The following ABCC2 variants were observed in gnomAD, a reference collection of about 807,000 sequenced individuals.
ABCC2 encodes ATP-binding cassette sub-family C member 2.
A neutral mutation model predicts 173.4 loss-of-function variants in ABCC2; 157 were observed. The ratio of observed to expected loss-of-function variants is 0.91; its 90% CI spans 0.80 to 1.03. ABCC2 has a LOEUF of 1.03. Among genes scored for constraint, ABCC2 ranks in the 50% least tolerant of loss-of-function variants. The pLI, the probability that ABCC2 is intolerant of heterozygous loss-of-function variation, is 0.00. For synonymous variants in ABCC2, 657 were observed against 693.5 expected, an observed-to-expected ratio of 0.95 and a Z score of 0.83; for missense variants, 1,822 against 1,852.3, an observed-to-expected ratio of 0.98 and a Z score of 0.30.
At chr10:99,844,785 C>A (rs979443261) in intron 28 of ABCC2, among the ~76,000 whole-genome samples, 3 of 152,126 alleles carry the variant, frequency 2.0e-5, no homozygotes, top group East Asian at 1.9e-4. Flanking sequence ...GGCGGCCAGG[C>A]CTGGTGAAGG....
intron 31 of ABCC2, 68 bp from the exon 32 acceptor site, chr10:99,851,434 A>G (rs2039086580): frequency 3.1e-6 from 5 of 1,593,146 alleles, no homozygotes; most frequent in Admixed American, 1.7e-5. Context: ...AGTCCTGGTT[A>G]TTCTTATAAA....
intron 2 of ABCC2, among the ~76,000 whole-genome samples, chr10:99,791,591 C>T (rs1292500413): frequency 6.6e-6 from 1 of 152,170 alleles, no homozygotes; most frequent in Non-Finnish European, 1.5e-5. Context: ...TTCAAGGTCT[C>T]TCAGGAGGTT....
intron 16 of ABCC2, among the ~76,000 whole-genome samples, chr10:99,814,309 G>GTATACATACATGTA (rs2038307052): frequency 4.6e-5 from 2 of 43,778 alleles, no homozygotes; most frequent in Admixed American, 2.3e-4. Flanking sequence ...ATACACACAT[G>GTATACATACATGTA]TATATACACA....
chr10:99,834,814 G>C (rs1299832607), intron 24 of ABCC2, among the ~76,000 whole-genome samples: 1 of 152,156 alleles, frequency 6.6e-6, no homozygotes, highest in Admixed American at 6.5e-5. Context: ...TTTACGTTTG[G>C]ATCCAAGACT....
chr10:99,806,419 G>C (rs897486017), intron 11 of ABCC2, among the ~76,000 whole-genome samples: 70 of 152,256 alleles, frequency 4.6e-4, no homozygotes, highest in African/African-American at 1.6e-3. Context: ...CACTGAGGCT[G>C]GGAGCCTACT....
chr10:99,810,713 G>C (rs2038195260), intron 14 of ABCC2, among the ~76,000 whole-genome samples: 1 of 152,146 alleles, frequency 6.6e-6, no homozygotes. Context: ...CTACCAGTAG[G>C]CTTGGGAGTT....
At chr10:99,812,948 A>G in intron 15 of ABCC2, 70 bp from the exon 16 acceptor site, 1 of 1,588,250 alleles carries the variant, frequency 6.3e-7, no homozygotes. Flanking sequence ...GGAGACTCAG[A>G]GAAGTGACTT....
intron 3 of ABCC2, among the ~76,000 whole-genome samples, chr10:99,793,045 C>T (rs2037835157): frequency 4.4e-5 from 2 of 45,618 alleles, no homozygotes; most frequent in South Asian, 2.4e-3. Context: ...CACCAGAATG[C>T]TGTTTTAGGA....
At chr10:99,836,546 T>C (rs942034207) in intron 25 of ABCC2, among the ~76,000 whole-genome samples, 1 of 152,230 alleles carries the variant, frequency 6.6e-6, no homozygotes, top group African/African-American at 2.4e-5. Flanking sequence ...TTTGTTTTTG[T>C]AATGGCCAGA....
intron 12 of ABCC2, 129 bp from the exon 13 acceptor site, chr10:99,807,954 T>A: frequency 8.6e-7 from 1 of 1,163,728 alleles, no homozygotes; most frequent in Non-Finnish European, 1.3e-6. Flanking sequence ...AGTTTTCTCA[T>A]CTGTAACATG....
chr10:99,806,421 GA>G (rs2038105946), intron 11 of ABCC2, among the ~76,000 whole-genome samples: 1 of 152,102 alleles, frequency 6.6e-6, no homozygotes, highest in South Asian at 2.1e-4. Flanking sequence ...CTGAGGCTGG[GA>G]GCCTACTTCA....
chr10:99,800,546 G>C lies in ABCC2; in HGVS notation c.1192G>C (p.Ala398Pro), dbSNP rs770182474. The part of the protein sequence containing the change: ...LGVKVRTAIM[A>P]SVYKKALTLS... ...TGTAAAAGTACGGACAGCTATCATG[G>C]CTTCTGTATATAAGAAGGTAAGCAG... The change falls in exon 9 of 32, where the codon GCT becomes CCT. Residue 398 changes from alanine to proline, a missense_variant. Ala to Pro is a conservative substitution (Grantham distance 27, BLOSUM62 -1). Coordinates refer to ENST00000647814, the MANE Select transcript of ABCC2 (RefSeq NM_000392.5). 2 of 1,614,016 alleles carry C rather than the reference G, an allele frequency of 1.2e-6. No homozygotes were observed. The highest frequency in any genetic ancestry group is 1.7e-5 in the Admixed American group (1 of 59,990).
At chr10:99,791,224 A>G (rs4919396) in intron 2 of ABCC2, among the ~76,000 whole-genome samples, 88,047 of 151,914 alleles carry the variant, frequency 0.58, 25,809 homozygotes, top group East Asian at 0.77. Flanking sequence ...CCTGGCCAAC[A>G]TGGTAAAATC....
intron 14 of ABCC2, among the ~76,000 whole-genome samples, chr10:99,810,871 A>G (rs2038199217): frequency 6.6e-6 from 1 of 152,120 alleles, no homozygotes; most frequent in Admixed American, 6.5e-5. Flanking sequence ...CTAAAAACAC[A>G]AAATTAGCTG....
At chr10:99,849,906 G>C (rs2039065695) in intron 30 of ABCC2, among the ~76,000 whole-genome samples, 1 of 152,148 alleles carries the variant, frequency 6.6e-6, no homozygotes, top group African/African-American at 2.4e-5. Context: ...TTTATGTTAG[G>C]TAAGAGGTCC....
intron 16 of ABCC2, 146 bp downstream of exon 16, chr10:99,813,290 C>G (rs2038249059): frequency 3.4e-6 from 4 of 1,164,012 alleles, no homozygotes. Flanking sequence ...TTCTCCTTCC[C>G]ATTTCAGCTT....
At chr10:99,785,371 G>A (rs1295176728) in intron 2 of ABCC2, among the ~76,000 whole-genome samples, 1 of 152,196 alleles carries the variant, frequency 6.6e-6, no homozygotes, top group Non-Finnish European at 1.5e-5. Context: ...GGGGCCAGGA[G>A]GGGAGGAGCC....
At chr10:99,782,910 T>G in intron 1 of ABCC2, 33 bp downstream of exon 1, 1 of 1,610,804 alleles carries the variant, frequency 6.2e-7, no homozygotes, top group Non-Finnish European at 8.5e-7. Context: ...ATATTGACTC[T>G]TCTCAGACTC....
chr10:99,817,371 C>T lies in ABCC2; in HGVS notation c.2158C>T (p.Leu720Phe), dbSNP rs989618589. Residue 720 changes from leucine (L) to phenylalanine (F), a missense_variant, in exon 17 of 32, where the codon CTT becomes TTT. By Grantham distance (22) the Leu-to-Phe change is conservative. Coordinates refer to ENST00000647814, the MANE Select transcript of ABCC2 (RefSeq NM_000392.5). Reference protein sequence around the residue: ...IQNGTIKDNILFGTEFNEKRY... With the variant: ...IQNGTIKDNIFFGTEFNEKRY... ...GAATGGCACCATAAAGGACAACATC[C>T]TTTTTGGAACAGAGTTTAATGAAAA... 2 of 1,614,170 alleles carry T rather than the reference C, an allele frequency of 1.2e-6. No homozygotes were observed. The highest frequency in any genetic ancestry group is 1.7e-6 in the Non-Finnish European group (2 of 1,180,030).
Sources: allele counts gnomAD v4.1 joint callset (sites outside exome capture counted in the v4.1 genomes callset), GRCh38; gene constraint gnomAD v4.1.1; transcripts MANE v1.5; gene names NCBI Gene and HGNC (gene_info 2026-07-23, HGNC 2026-07-21).